Variants in EXOC3L2 observed in about 807,000 individuals in gnomAD.
The protein encoded by EXOC3L2 is exocyst complex component 3 like 2, also known as exocyst complex component 3-like protein 2.
Under a neutral mutation model 44.4 loss-of-function variants are expected in EXOC3L2, and 17 were observed. The ratio of observed to expected loss-of-function variants is 0.38; its 90% CI spans 0.26 to 0.57. EXOC3L2 has a LOEUF of 0.57. Ranked by LOEUF, EXOC3L2 falls within the 20% of genes least tolerant of loss-of-function variation. The pLI is 0.65. For synonymous variants in EXOC3L2, 256 were observed against 253.7 expected, an observed-to-expected ratio of 1.01 and a Z score of -0.09; for missense variants, 541 against 588.4, an observed-to-expected ratio of 0.92 and a Z score of 0.83.
intron 3 of EXOC3L2, among the ~76,000 whole-genome samples, chr19:45,232,615 A>G (rs930550976): frequency 7.9e-5 from 12 of 152,200 alleles, no homozygotes; most frequent in African/African-American, 1.4e-4. Flanking sequence ...TGGGGTAGAC[A>G]GGTGACCTGG....
intron 11 of EXOC3L2, 26 bp downstream of exon 11, chr19:45,216,046 AG>A: frequency 6.2e-7 from 1 of 1,611,510 alleles, no homozygotes; most frequent in East Asian, 2.2e-5. Flanking sequence ...AGGCACGGCG[AG>A]CCCTGGCCCA....
In EXOC3L2 at chr19:45,233,345, T is replaced by C. The variant is rs578113706; in HGVS notation, c.1157+848A>G. 1.1e-3 allele frequency among the ~76,000 whole-genome samples: 165 copies of C among 152,370 alleles called. 1 individual carries two copies. The highest frequency in any genetic ancestry group is 2.9e-3 in the South Asian group (14 of 4,834). On this transcript the variant is annotated intron_variant, in intron 3 of 11. Coordinates refer to ENST00000413988, the MANE Select transcript of EXOC3L2 (RefSeq NM_001382422.1). ...AAGCTTCATTGGTACTAAGCTTCTA[T>C]GGTTGCACCATACATTCTAAGTTCT...
At chr19:45,226,769 T>TTTTTTTTTTTTTC (rs1969966444) in intron 7 of EXOC3L2, among the ~76,000 whole-genome samples, 1 of 135,684 alleles carries the variant, frequency 7.4e-6, no homozygotes, top group African/African-American at 3.0e-5. Flanking sequence ...TTTTTTTTTT[T>TTTTTTTTTTTTTC]TGAGACGGAG....
intron 1 of EXOC3L2, among the ~76,000 whole-genome samples, chr19:45,241,715 G>A (rs528641923): frequency 2.0e-5 from 3 of 152,258 alleles, no homozygotes; most frequent in African/African-American, 7.2e-5. Flanking sequence ...CCATGCTCCA[G>A]TCAGGACTTC....
chr19:45,240,796 C>T (rs897631748), intron 1 of EXOC3L2, among the ~76,000 whole-genome samples: 4 of 152,100 alleles, frequency 2.6e-5, no homozygotes, highest in African/African-American at 7.2e-5. Flanking sequence ...CCCAGCTACT[C>T]GGGAGGCTGA....
rs1970064501 is a variant in EXOC3L2, at chr19:45,234,638, G to T, written c.712C>A (p.Leu238Met). 2 of 353,654 alleles carry T rather than the reference G, an allele frequency of 5.7e-6. No individual in the cohort carries two copies. Among genetic ancestry groups the T allele is most frequent in the Non-Finnish European group, 1.0e-5 (2 of 197,082 alleles). 21.9% of individuals were successfully genotyped at this position (353,654 alleles called of 1,614,324 possible). Reference sequence around the variant, plus strand: ...AGCGTCTCGCGCACCAGCGCCCACAGCTCGCGCTGCAGGGCCTCGTACAGC... The same window carrying T: ...AGCGTCTCGCGCACCAGCGCCCACATCTCGCGCTGCAGGGCCTCGTACAGC... ...ALLYEALQRE[L>M]WALVRETLAG... The change falls in exon 3 of 12, where the codon CTG becomes ATG. Residue 238 changes from leucine (L) to methionine (M), a missense_variant. By Grantham distance (15) the Leu-to-Met change is conservative. Coordinates refer to ENST00000413988, the MANE Select transcript of EXOC3L2 (RefSeq NM_001382422.1). This position sits in a 1 kb window ranked among gnomAD's most constrained non-coding sequence, Gnocchi z 5.0.
chr19:45,231,096 A>C (rs1358477831), intron 4 of EXOC3L2, among the ~76,000 whole-genome samples: 1 of 152,164 alleles, frequency 6.6e-6, no homozygotes, highest in African/African-American at 2.4e-5. Flanking sequence ...TAATTAAAAA[A>C]ATAAAAAAGT....
intron 4 of EXOC3L2, 147 bp from the exon 5 acceptor site, chr19:45,228,413 A>G (rs1969990987): frequency 4.4e-6 from 3 of 680,838 alleles, no homozygotes; most frequent in Non-Finnish European, 7.3e-6. Flanking sequence ...GATGCTGGGG[A>G]GGGAGGCTGA....
rs939076225 is a variant in EXOC3L2, at chr19:45,239,065, G to A, written c.-16-4C>T. 15 of 399,068 alleles carry A rather than the reference G, an allele frequency of 3.8e-5. No individual in the cohort carries two copies. Among genetic ancestry groups the A allele is most frequent in the African/African-American group, 3.1e-4 (15 of 48,720 alleles). 24.7% of individuals were successfully genotyped at this position (399,068 alleles called of 1,614,324 possible). ...AGGCATTTTGACAGGTGGGGACCTG[G>A]GGAAAAAAATAATGACCATGGGCGA... On this transcript the variant is annotated splice_region_variant and splice_polypyrimidine_tract_variant and intron_variant, in intron 1 of 11. Transcript: ENST00000413988.
chr19:45,230,713 G>GT (rs143789863), intron 4 of EXOC3L2, among the ~76,000 whole-genome samples: 12,604 of 152,148 alleles, frequency 0.083, 653 homozygotes, highest in African/African-American at 0.14. Context: ...CAAACAGTTA[G>GT]TTTAAGATTC....
intron 1 of EXOC3L2, among the ~76,000 whole-genome samples, 174 bp from the exon 2 acceptor site, chr19:45,239,235 T>C (rs1017381402): frequency 6.7e-6 from 1 of 150,146 alleles, no homozygotes; most frequent in Non-Finnish European, 1.5e-5. Flanking sequence ...TTTTTTTTTT[T>C]GAGACGGGGT....
intron 8 of EXOC3L2, 25 bp from the exon 9 acceptor site, chr19:45,218,344 A>G: frequency 6.4e-7 from 1 of 1,569,306 alleles, no homozygotes; most frequent in Non-Finnish European, 8.7e-7. Context: ...GTAGGGGGTC[A>G]CGCTCTCCTC....
Position 45,224,815 on chromosome 19 carries a change from T to C in EXOC3L2, c.1682A>G (p.His561Arg). The change falls in exon 8 of 12, where the codon CAC (histidine) becomes CGC (arginine). Residue 561 changes from histidine to arginine, a missense_variant. By Grantham distance (29) the His-to-Arg change is conservative (BLOSUM62 0). Transcript: ENST00000413988. The stretch of plus-strand genomic sequence containing the variant: ...GAACAGCAGGTTGGCCACGACACGG[T>C]GGCAGAGCCGGGTCACATGGTCCAG... ...SALDHVTRLCHRVVANLLFQE... is the reference protein window; with the variant it reads ...SALDHVTRLCRRVVANLLFQE... 6.3e-7 allele frequency: 1 copy of C among 1,577,314 alleles called. No individual in the cohort carries two copies. Among genetic ancestry groups the C allele is most frequent in the South Asian group, 1.2e-5 (1 of 86,610 alleles).
Position 45,238,853 on chromosome 19 carries a change from C to T in EXOC3L2, c.193G>A (p.Ala65Thr). 2 of 399,140 alleles carry T rather than the reference C, an allele frequency of 5.0e-6. No homozygotes were observed. The highest frequency in any genetic ancestry group is 8.8e-6 in the Non-Finnish European group (2 of 226,144). The allele number at this position is 399,140 out of a possible 1,614,324, so 24.7% of individuals were successfully genotyped here. A position where few individuals can be genotyped will look rare whatever the true frequency, so the allele number is the denominator to read the frequency against. The change falls in exon 2 of 12, where the codon GCC becomes ACC. Residue 65 changes from alanine to threonine, a missense_variant. Coordinates refer to ENST00000413988, the MANE Select transcript of EXOC3L2 (RefSeq NM_001382422.1). This position sits in a 1 kb window ranked among gnomAD's most constrained non-coding sequence, Gnocchi z 5.5. The stretch of plus-strand genomic sequence containing the variant: ...GGGGCCCAGCCCAGCCGGAAGGGGG[C>T]CAGGCCCGCAAGCTTCTCCAGGGTG... Reference protein sequence around the residue: ...RATLEKLAGLAPFRLGWAPGR... With the variant: ...RATLEKLAGLTPFRLGWAPGR...
At position 45,213,031 on chromosome 19, in the gene EXOC3L2, C is replaced by CA. The variant is rs778001306; in HGVS notation, c.*37dup. On this transcript the variant is annotated 3_prime_UTR_variant, in exon 12 of 12. Coordinates refer to ENST00000413988, the MANE Select transcript of EXOC3L2 (RefSeq NM_001382422.1). ...GTACGGGAGGTTGGCTTGTCAGCAGCATAGATGGGGTCACTAAGGCCGGCG... is the reference window on the plus strand; with the variant it reads ...GTACGGGAGGTTGGCTTGTCAGCAGCAATAGATGGGGTCACTAAGGCCGGCG... 2 of 1,451,558 alleles carry CA rather than the reference C, an allele frequency of 1.4e-6. No homozygotes were observed. The highest frequency in any genetic ancestry group is 4.9e-5 in the East Asian group (2 of 40,648). 89.9% of individuals were successfully genotyped at this position (1,451,558 alleles called of 1,614,324 possible). A position where few individuals can be genotyped will look rare whatever the true frequency, so the allele number is the denominator to read the frequency against.
chr19:45,214,781 T>C (rs1202663612), intron 11 of EXOC3L2, among the ~76,000 whole-genome samples: 1 of 151,946 alleles, frequency 6.6e-6, no homozygotes, highest in Non-Finnish European at 1.5e-5. Context: ...GTGTACTAGT[T>C]TTAGAGCCAG....
chr19:45,222,734 A>G (rs1335058888), intron 8 of EXOC3L2, among the ~76,000 whole-genome samples: 1 of 152,152 alleles, frequency 6.6e-6, no homozygotes, highest in Non-Finnish European at 1.5e-5. Context: ...TGTCTCAAAA[A>G]CAATTTAACA....
At chr19:45,228,413 A>T in intron 4 of EXOC3L2, 147 bp from the exon 5 acceptor site, 1 of 680,838 alleles carries the variant, frequency 1.5e-6, no homozygotes, top group Non-Finnish European at 2.4e-6. Context: ...GATGCTGGGG[A>T]GGGAGGCTGA....
At chr19:45,222,306 T>C (rs1969907046) in intron 8 of EXOC3L2, among the ~76,000 whole-genome samples, 1 of 149,722 alleles carries the variant, frequency 6.7e-6, no homozygotes, top group Non-Finnish European at 1.5e-5. Flanking sequence ...TTCAAGCGAT[T>C]CTCCTGCCTC....
Sources: allele counts gnomAD v4.1 joint callset (sites outside exome capture counted in the v4.1 genomes callset), GRCh38; gene constraint gnomAD v4.1.1; non-coding constraint Gnocchi (gnomAD v3.1); transcripts MANE v1.5; gene names NCBI Gene and HGNC (gene_info 2026-07-23, HGNC 2026-07-21).